PRELID2: variants seen among roughly 807,000 people sequenced by gnomAD.
PRELID2 encodes the protein PRELI domain-containing protein 2.
In PRELID2, 25 loss-of-function variants were observed where a neutral mutation model predicts 28.4. That is an observed-to-expected ratio of 0.88 (90% confidence interval 0.64 to 1.23). PRELID2 has a LOEUF of 1.23. Among genes scored for constraint, PRELID2 ranks in the 50% most tolerant of loss-of-function variants. PRELID2 has a pLI of 0.00. For synonymous variants in PRELID2, 76 were observed against 71.6 expected (o/e 1.06, Z -0.31); for missense variants, 201 against 214.4 (o/e 0.94, Z 0.39).
At chr5:145,709,271 G>A (rs1755626615) in intron 1 of PRELID2, among the ~76,000 whole-genome samples, 1 of 152,112 alleles carries the variant, frequency 6.6e-6, no homozygotes, top group South Asian at 2.1e-4. Flanking sequence ...TCTTAGGAAG[G>A]GACCCATAGC....
At chr5:145,503,228 C>T (rs1356622851) in intron 1 of PRELID2, among the ~76,000 whole-genome samples, 1 of 152,130 alleles carries the variant, frequency 6.6e-6, no homozygotes, top group African/African-American at 2.4e-5. Context: ...CGCTGTGGTT[C>T]TGTCTACTTT....
chr5:145,631,851 A>G (rs1476248466), intron 1 of PRELID2, among the ~76,000 whole-genome samples: 1 of 152,194 alleles, frequency 6.6e-6, no homozygotes, highest in Non-Finnish European at 1.5e-5. Context: ...ATTACATACT[A>G]GAGAAGAGAT....
the PRELID2 span, among the ~76,000 whole-genome samples, chr5:145,407,660 C>G: frequency 2.0e-5 from 3 of 152,176 alleles, no homozygotes; most frequent in African/African-American, 4.8e-5. Context: ...AGCTGCTGCT[C>G]TCTTGAAAGA....
At chr5:145,755,635 A>G (rs1757236422), downstream of PRELID2, among the ~76,000 whole-genome samples, 1 of 152,244 alleles carries the variant, frequency 6.6e-6, no homozygotes, top group African/African-American at 2.4e-5. Flanking sequence ...TGAATTTGAT[A>G]GAGCTTATTC....
the PRELID2 span, among the ~76,000 whole-genome samples, chr5:145,387,585 A>G: frequency 1.4e-3 from 218 of 152,290 alleles, 1 homozygote; most frequent in African/African-American, 5.1e-3. Context: ...TGTTTTACTT[A>G]TGATTGTACT....
intron 1 of PRELID2, among the ~76,000 whole-genome samples, chr5:145,694,336 G>A (rs62392303): frequency 0.084 from 12,817 of 152,108 alleles, 794 homozygotes; most frequent in Admixed American, 0.19. Context: ...ATTTGGGGGA[G>A]GGGGCAGTCT....
At chr5:145,315,334 C>T in the PRELID2 span, among the ~76,000 whole-genome samples, 4 of 152,108 alleles carry the variant, frequency 2.6e-5, no homozygotes, top group Non-Finnish European at 4.4e-5. Context: ...TCCCAAAGTG[C>T]TGGGATTACA....
Position 145,823,531 on chromosome 5 carries a change from G to A in PRELID2, c.76-397C>T, listed in dbSNP as rs935987246. Among the ~76,000 whole-genome samples, 5 of 152,166 alleles carry A rather than the reference G, an allele frequency of 3.3e-5. 1 individual carries two copies. Among genetic ancestry groups the A allele is most frequent in the African/African-American group, 1.2e-4 (5 of 41,438 alleles). Reference sequence around the variant, plus strand: ...AGCCTCTCTGTTATAACTGATTTATGTGATACCACCATCCCCATCTTTCAG... The same window carrying A: ...AGCCTCTCTGTTATAACTGATTTATATGATACCACCATCCCCATCTTTCAG... On this transcript the variant is annotated intron_variant, in intron 1 of 6. Transcript: ENST00000683046.
intron 1 of PRELID2, among the ~76,000 whole-genome samples, chr5:145,740,732 A>ATTATATATAAATATATTATATAT (rs1454020711): frequency 1.3e-4 from 15 of 117,618 alleles, no homozygotes; most frequent in African/African-American, 4.8e-4. Context: ...TACATTAAAT[A>ATTATATATAAATATATTATATAT]TTATATATAA....
At chr5:145,302,820 C>T in the PRELID2 span, among the ~76,000 whole-genome samples, 520 of 152,124 alleles carry the variant, frequency 3.4e-3, 1 homozygote, top group African/African-American at 0.012. Context: ...CTAGTAGTAA[C>T]AGTAGTAAAG....
At chr5:145,684,120 G>C (rs1022341849) in intron 1 of PRELID2, among the ~76,000 whole-genome samples, 11 of 152,086 alleles carry the variant, frequency 7.2e-5, no homozygotes, top group African/African-American at 2.4e-4. Flanking sequence ...GAGCAGGAGG[G>C]GGAAGGATAA....
chr5:145,361,463 A>G, the PRELID2 span, among the ~76,000 whole-genome samples: 4 of 152,168 alleles, frequency 2.6e-5, no homozygotes, highest in Non-Finnish European at 2.9e-5. Flanking sequence ...AACAGCTGGC[A>G]GGAGCCAGAT....
the PRELID2 span, among the ~76,000 whole-genome samples, chr5:145,302,963 TA>T: frequency 6.6e-5 from 10 of 152,164 alleles, no homozygotes; most frequent in Admixed American, 6.5e-4. Flanking sequence ...GCATAACACA[TA>T]TCTCCTCTAC....
At chr5:145,765,672 A>G (rs1254291873) in intron 5 of PRELID2, among the ~76,000 whole-genome samples, 1 of 152,184 alleles carries the variant, frequency 6.6e-6, no homozygotes, top group Non-Finnish European at 1.5e-5. Context: ...CTTTGTTACA[A>G]GTGCATTGCA....
chr5:145,600,207 G>C (rs1056720064), intron 1 of PRELID2, among the ~76,000 whole-genome samples: 1 of 148,470 alleles, frequency 6.7e-6, no homozygotes, highest in African/African-American at 2.5e-5. Context: ...CAATGAAGTA[G>C]AATTAAACAT....
chr5:145,521,237 T>C (rs779457164), intron 1 of PRELID2, among the ~76,000 whole-genome samples: 1 of 152,196 alleles, frequency 6.6e-6, no homozygotes, highest in Non-Finnish European at 1.5e-5. Context: ...TGAGGCACAG[T>C]GGGGAGCTAA....
At chr5:145,385,734 G>T in the PRELID2 span, among the ~76,000 whole-genome samples, 1 of 152,164 alleles carries the variant, frequency 6.6e-6, no homozygotes, top group Non-Finnish European at 1.5e-5. Flanking sequence ...CAATTGTGAT[G>T]TTCTTTAGAA....
At chr5:145,262,406 G>A in the PRELID2 span, among the ~76,000 whole-genome samples, 1,603 of 151,806 alleles carry the variant, frequency 0.011, 18 homozygotes, top group Non-Finnish European at 0.014. Flanking sequence ...AAGAAAAAAT[G>A]AAGAAAAAAA....
the PRELID2 span, among the ~76,000 whole-genome samples, chr5:145,399,173 G>A: frequency 6.6e-6 from 1 of 152,022 alleles, no homozygotes; most frequent in African/African-American, 2.4e-5. Context: ...TCTGGGAGGA[G>A]TTTTCTTCTT....
Sources: allele counts gnomAD v4.1 joint callset (sites outside exome capture counted in the v4.1 genomes callset), GRCh38; gene constraint gnomAD v4.1.1; transcripts MANE v1.5; gene names NCBI Gene and HGNC (gene_info 2026-07-23, HGNC 2026-07-21).